PLXNA2: variants seen among roughly 807,000 people sequenced by gnomAD.
The protein encoded by PLXNA2 is plexin-A2.
Under a neutral mutation model 193.5 loss-of-function variants are expected in PLXNA2, and 91 were observed. The ratio of observed to expected loss-of-function variants is 0.47; its 90% CI spans 0.40 to 0.56. The LOEUF (loss-of-function observed/expected upper bound fraction) is 0.56. Ranked by LOEUF, PLXNA2 falls within the 20% of genes least tolerant of loss-of-function variation. PLXNA2 has a pLI of 0.00. For synonymous variants in PLXNA2, 997 were observed against 1,027.3 expected (o/e 0.97, Z 0.56); for missense variants, 1,995 against 2,503.2 (o/e 0.80, Z 4.33).
At chr1:208,128,827 G>A (rs534639398) in intron 4 of PLXNA2, among the ~76,000 whole-genome samples, 3 of 149,700 alleles carry the variant, frequency 2.0e-5, no homozygotes, top group East Asian at 2.0e-4. Flanking sequence ...TCAGCCTCCC[G>A]AGTAGCTGGG....
intron 3 of PLXNA2, among the ~76,000 whole-genome samples, chr1:208,152,683 G>GCGCA (rs1180715861): frequency 2.7e-4 from 38 of 140,362 alleles, no homozygotes; most frequent in African/African-American, 1.0e-3. Context: ...ACACACACAC[G>GCGCA]CACACACACA....
chr1:208,043,991 C>T (rs1379330498), intron 20 of PLXNA2, among the ~76,000 whole-genome samples: 1 of 152,242 alleles, frequency 6.6e-6, no homozygotes, highest in Non-Finnish European at 1.5e-5. Flanking sequence ...TGCACTCCCA[C>T]ACACGTCCAC....
rs187092395 is a variant in PLXNA2 at position 208,165,656 on chromosome 1, T to A, written c.1372-23193A>T. Among the ~76,000 whole-genome samples, 285 of 152,284 alleles carry A rather than the reference T, an allele frequency of 1.9e-3. 4 individuals carry two copies. The highest frequency in any genetic ancestry group is 3.8e-4 in the Non-Finnish European group (26 of 68,014). ...CGCAAGCCCAGCTACCCCTATGTGGTCTGGGGCTGGTCCAACCCTAAGCTG... is the reference window on the plus strand; with the variant it reads ...CGCAAGCCCAGCTACCCCTATGTGGACTGGGGCTGGTCCAACCCTAAGCTG... On this transcript the variant is annotated intron_variant, in intron 3 of 31. Transcript: ENST00000367033.
chr1:208,234,119 G>C (rs1176463442), intron 1 of PLXNA2, among the ~76,000 whole-genome samples: 2 of 152,104 alleles, frequency 1.3e-5, no homozygotes, highest in African/African-American at 4.8e-5. Flanking sequence ...TAAGTGGGCA[G>C]ATCAAGAGAG....
chr1:208,179,242 T>C (rs746199209), intron 3 of PLXNA2, among the ~76,000 whole-genome samples: 7 of 152,180 alleles, frequency 4.6e-5, no homozygotes, highest in Non-Finnish European at 7.4e-5. Context: ...AGGATGATGA[T>C]GGTGATATTA....
In PLXNA2 at chr1:208,103,132, A is replaced by C; in HGVS notation, c.1607+15T>G. On this transcript the variant is annotated intron_variant, in intron 5 of 31. Coordinates refer to ENST00000367033, the MANE Select transcript of PLXNA2 (RefSeq NM_025179.4). ...TCTGCATGCCAAACCCTTTTCCAGTATACCCCAAACTTACATGTTGTGCAG... is the reference window on the plus strand; with the variant it reads ...TCTGCATGCCAAACCCTTTTCCAGTCTACCCCAAACTTACATGTTGTGCAG... 6.3e-7 allele frequency: 1 copy of C among 1,595,102 alleles called. No homozygotes were observed.
At chr1:208,235,177 G>A (rs745685230) in intron 1 of PLXNA2, among the ~76,000 whole-genome samples, 4 of 152,200 alleles carry the variant, frequency 2.6e-5, no homozygotes, top group Admixed American at 1.3e-4. Flanking sequence ...GCTAAATGCT[G>A]ACCACAAGCC....
intron 3 of PLXNA2, among the ~76,000 whole-genome samples, chr1:208,194,627 A>G (rs925650185): frequency 2.0e-5 from 3 of 152,142 alleles, no homozygotes; most frequent in Non-Finnish European, 2.9e-5. Flanking sequence ...GAAAAAGAAC[A>G]CCATTACCTC....
chr1:208,035,176 G>GA (rs113384151), intron 26 of PLXNA2, among the ~76,000 whole-genome samples: 2,108 of 143,190 alleles, frequency 0.015, 23 homozygotes, highest in Non-Finnish European at 0.019. Context: ...TTTTACAGAT[G>GA]AAAAAAAAAA....
At chr1:208,115,942 A>G (rs1667626074) in intron 4 of PLXNA2, among the ~76,000 whole-genome samples, 1 of 152,252 alleles carries the variant, frequency 6.6e-6, no homozygotes, top group Non-Finnish European at 1.5e-5. Flanking sequence ...TGCCTATCTC[A>G]GGAAGTTTAT....
chr1:208,133,203 TC>T (rs1668211640), intron 4 of PLXNA2, among the ~76,000 whole-genome samples: 1 of 152,162 alleles, frequency 6.6e-6, no homozygotes, highest in African/African-American at 2.4e-5. Flanking sequence ...ACAGGTCCCT[TC>T]CTGGTGGTAT....
chr1:208,131,089 AC>A (rs1252299181), intron 4 of PLXNA2, among the ~76,000 whole-genome samples: 1 of 152,012 alleles, frequency 6.6e-6, no homozygotes, highest in East Asian at 1.9e-4. Context: ...GTGGAGACCA[AC>A]ACCTTTCCCC....
intron 3 of PLXNA2, among the ~76,000 whole-genome samples, chr1:208,179,050 A>G (rs1217570989): frequency 6.6e-6 from 1 of 152,174 alleles, no homozygotes; most frequent in Non-Finnish European, 1.5e-5. Flanking sequence ...CAGCATCCCC[A>G]CAAGCATGAC....
At chr1:208,027,408 T>C in intron 31 of PLXNA2, 70 bp from the exon 32 acceptor site, 3 of 1,282,020 alleles carry the variant, frequency 2.3e-6, no homozygotes, top group Non-Finnish European at 3.4e-6. Context: ...CTGGAGTCGT[T>C]CCCTCTTTGC....
intron 1 of PLXNA2, among the ~76,000 whole-genome samples, chr1:208,219,480 T>A (rs1671250768): frequency 6.6e-6 from 1 of 152,076 alleles, no homozygotes; most frequent in Non-Finnish European, 1.5e-5. Context: ...CTCAGGCAAG[T>A]CCAGACAGAA....
chr1:208,093,571 G>A (rs17259283), intron 8 of PLXNA2, among the ~76,000 whole-genome samples: 2,141 of 152,296 alleles, frequency 0.014, 30 homozygotes, highest in Middle Eastern at 0.024. Context: ...ATTGTCAAGC[G>A]CTTAAATTAC....
intron 22 of PLXNA2, among the ~76,000 whole-genome samples, chr1:208,041,073 C>T (rs929219692): frequency 2.6e-5 from 4 of 152,196 alleles, no homozygotes; most frequent in African/African-American, 9.7e-5. Context: ...AGCTTTCTCC[C>T]GTGGCTCCTC....
chr1:208,211,028 C>A (rs761243468), intron 2 of PLXNA2, among the ~76,000 whole-genome samples: 9 of 152,216 alleles, frequency 5.9e-5, no homozygotes, highest in Non-Finnish European at 1.3e-4. Context: ...TAGCTCCCTA[C>A]TATCTTTCCA....
At chr1:208,128,144 C>A (rs1372949941) in intron 4 of PLXNA2, among the ~76,000 whole-genome samples, 1 of 152,158 alleles carries the variant, frequency 6.6e-6, no homozygotes, top group African/African-American at 2.4e-5. Flanking sequence ...TCCAGGCACC[C>A]AGGGAGAAGC....
Sources: gnomAD v4.1 joint callset for allele counts (sites outside exome capture counted in the v4.1 genomes callset) on GRCh38, gnomAD v4.1.1 for gene constraint, MANE v1.5 for transcripts, NCBI Gene and HGNC (gene_info 2026-07-23, HGNC 2026-07-21) for gene names.